Variants in COLEC10 observed in about 807,000 individuals in gnomAD.
COLEC10 encodes the protein collectin subfamily member 10.
Under a neutral mutation model 28.4 loss-of-function variants are expected in COLEC10, and 22 were observed. The ratio of observed to expected loss-of-function variants is 0.78; its 90% CI spans 0.55 to 1.11. The LOEUF (loss-of-function observed/expected upper bound fraction) is 1.11, where lower values mean the gene tolerates loss of function less well. Ranked by LOEUF, COLEC10 falls within the 50% of genes least tolerant of loss-of-function variation. The pLI, the probability that COLEC10 is intolerant of heterozygous loss-of-function variation, is 0.00. For missense variants in COLEC10, 361 were observed against 344.1 expected (o/e 1.05, Z -0.39); for synonymous variants, 125 against 116.1 (o/e 1.08, Z -0.49).
intron 1 of COLEC10, among the ~76,000 whole-genome samples, chr8:119,070,630 C>T (rs2130231457): frequency 6.8e-6 from 1 of 147,870 alleles, no homozygotes; most frequent in South Asian, 2.2e-4. Context: ...TCTCCCTCTT[C>T]CCCCATCTTG....
chr8:119,018,170 C>T (rs1814027632), intron 2 of COLEC10, among the ~76,000 whole-genome samples: 2 of 152,166 alleles, frequency 1.3e-5, no homozygotes, highest in Admixed American at 1.3e-4. Context: ...TTGCACTGCG[C>T]CATCTTAGTG....
chr8:119,072,148 A>G (rs1386480090), intron 1 of COLEC10, among the ~76,000 whole-genome samples: 1 of 152,188 alleles, frequency 6.6e-6, no homozygotes, highest in Non-Finnish European at 1.5e-5. Flanking sequence ...GGTAACCATC[A>G]TGACTCCTCC....
At chr8:119,054,948 A>C (rs890137892) in intron 2 of COLEC10, among the ~76,000 whole-genome samples, 8 of 152,220 alleles carry the variant, frequency 5.3e-5, no homozygotes, top group African/African-American at 1.9e-4. Flanking sequence ...TCTCGAAAGT[A>C]ATTTATGAAA....
At chr8:119,102,628 T>C in intron 4 of COLEC10, 1 of 434,514 alleles carries the variant, frequency 2.3e-6, no homozygotes, top group Non-Finnish European at 4.0e-6. Flanking sequence ...CCATGCTTAC[T>C]ATGAGAAGAA....
chr8:119,047,099 A>C (rs2130167614), intron 2 of COLEC10, among the ~76,000 whole-genome samples: 1 of 152,328 alleles, frequency 6.6e-6, no homozygotes, highest in East Asian at 1.9e-4. Context: ...TCTATTCAAA[A>C]ATGTATTTTT....
At chr8:119,093,938 T>C (rs1475203101) in intron 3 of COLEC10, among the ~76,000 whole-genome samples, 1 of 152,114 alleles carries the variant, frequency 6.6e-6, no homozygotes, top group Non-Finnish European at 1.5e-5. Flanking sequence ...AGTTTTGGAG[T>C]GGATACAAGA....
intron 2 of COLEC10, among the ~76,000 whole-genome samples, chr8:119,029,976 G>A (rs1485061185): frequency 6.6e-6 from 1 of 152,156 alleles, no homozygotes; most frequent in Admixed American, 6.5e-5. Context: ...TATGTATGTA[G>A]TTTGCAGGAA....
upstream of COLEC10, among the ~76,000 whole-genome samples, chr8:118,993,424 G>A (rs918004994): frequency 3.3e-5 from 5 of 151,962 alleles, no homozygotes; most frequent in Non-Finnish European, 5.9e-5. Context: ...GCTCCATCTC[G>A]GCTCACTGCA....
chr8:119,099,086 T>G (rs1343784895), intron 3 of COLEC10, among the ~76,000 whole-genome samples: 1 of 152,082 alleles, frequency 6.6e-6, no homozygotes, highest in Non-Finnish European at 1.5e-5. Context: ...AATAAATGTT[T>G]TTATTTAAGG....
At chr8:119,069,629 A>AAAAAAAAATATATATAT (rs1554627284) in intron 1 of COLEC10, among the ~76,000 whole-genome samples, 5 of 42,880 alleles carry the variant, frequency 1.2e-4, no homozygotes, top group Non-Finnish European at 1.8e-4. Context: ...AAAAAAAAAA[A>AAAAAAAAATATATATAT]ATATATATAT....
chr8:119,061,440 T>C (rs1382828059), intron 2 of COLEC10, among the ~76,000 whole-genome samples: 3 of 127,874 alleles, frequency 2.3e-5, no homozygotes, highest in Non-Finnish European at 3.2e-5. Context: ...ATAGCTGGTA[T>C]TGAAAAAAAA....
chr8:119,066,014 T>G (rs996430158), upstream of COLEC10, among the ~76,000 whole-genome samples: 2 of 152,206 alleles, frequency 1.3e-5, no homozygotes, highest in Non-Finnish European at 2.9e-5. Flanking sequence ...ACCCGGCCGC[T>G]GGTGTAAGCC....
At chr8:119,069,905 A>G (rs1815068970) in intron 1 of COLEC10, among the ~76,000 whole-genome samples, 1 of 151,922 alleles carries the variant, frequency 6.6e-6, no homozygotes. Context: ...CTAGCACTGC[A>G]GCACAGTGCT....
intron 1 of COLEC10, chr8:119,068,368 C>A (rs1232532708): frequency 6.6e-6 from 1 of 152,108 alleles, no homozygotes; most frequent in Non-Finnish European, 1.5e-5. Context: ...CAAGTTTTAA[C>A]CTTTGATACG....
upstream of COLEC10, among the ~76,000 whole-genome samples, chr8:119,062,754 A>G (rs1288000793): frequency 1.3e-5 from 2 of 152,212 alleles, no homozygotes; most frequent in Admixed American, 1.3e-4. Flanking sequence ...TGCTGGGATT[A>G]CAGATGAGAG....
intron 1 of COLEC10, among the ~76,000 whole-genome samples, chr8:119,080,536 T>C (rs1815347585): frequency 6.6e-6 from 1 of 152,102 alleles, no homozygotes; most frequent in Non-Finnish European, 1.5e-5. Flanking sequence ...ATCAATAAAT[T>C]CAGAGAAATT....
intron 2 of COLEC10, among the ~76,000 whole-genome samples, chr8:119,061,303 C>T (rs1814850462): frequency 6.6e-6 from 1 of 151,880 alleles, no homozygotes; most frequent in Non-Finnish European, 1.5e-5. Context: ...TGGAAATTAT[C>T]AGGAGCCAAC....
intron 2 of COLEC10, among the ~76,000 whole-genome samples, chr8:119,039,931 C>T (rs937978910): frequency 1.3e-5 from 2 of 152,110 alleles, no homozygotes; most frequent in Non-Finnish European, 2.9e-5. Context: ...TACTTTAGTT[C>T]CACCTGAATT....
chr8:119,079,634 A>G (rs1815330039), intron 1 of COLEC10, among the ~76,000 whole-genome samples: 1 of 129,480 alleles, frequency 7.7e-6, no homozygotes, highest in Non-Finnish European at 1.5e-5. Context: ...TTACTCAGAC[A>G]TGCAATGACT....
Sources: gnomAD v4.1 joint callset for allele counts (sites outside exome capture counted in the v4.1 genomes callset) on GRCh38, gnomAD v4.1.1 for gene constraint, MANE v1.5 for transcripts, NCBI Gene and HGNC (gene_info 2026-07-23, HGNC 2026-07-21) for gene names.